The following ING4 variants were observed in gnomAD, a reference collection of about 807,000 sequenced individuals.
ING4 encodes inhibitor of growth protein 4.
Under a neutral mutation model 33.1 loss-of-function variants are expected in ING4, and 28 were observed. The ratio of observed to expected loss-of-function variants is 0.85; its 90% CI spans 0.63 to 1.16. The LOEUF is 1.16. Among genes scored for constraint, ING4 ranks in the 50% most tolerant of loss-of-function variants. The pLI is 0.00. For synonymous variants in ING4, 87 were observed against 104.4 expected (o/e 0.83, Z 1.02); for missense variants, 247 against 314.7 (o/e 0.78, Z 1.63).
At chr12:6,654,025 C>A (rs1263329939) in intron 2 of ING4, among the ~76,000 whole-genome samples, 1 of 152,024 alleles carries the variant, frequency 6.6e-6, no homozygotes, top group African/African-American at 2.4e-5. Flanking sequence ...TTTGTAGAGA[C>A]AGGCTTTTTC....
rs1949234901 is a variant in ING4, at chr12:6,653,031, C to T, written c.296G>A (p.Arg99Gln). ...AAAACGGGCCAGGTCTGTGTCCAGC[C>T]GCCGAATGTGTTTGTCCACCTGGGT... Reference protein sequence around the residue: ...TYEMVDKHIRRLDTDLARFEA... With the variant: ...TYEMVDKHIRQLDTDLARFEA... Residue 99 changes from arginine (R) to glutamine (Q), a missense_variant, in exon 4 of 8, where the codon CGG becomes CAG. By Grantham distance (43) the Arg-to-Gln change is conservative. Coordinates refer to ENST00000341550, the MANE Select transcript of ING4 (RefSeq NM_016162.4). 2.5e-6 allele frequency: 4 copies of T among 1,614,092 alleles called. No homozygotes were observed. The highest frequency in any genetic ancestry group is 1.1e-5 in the South Asian group (1 of 91,082).
intron 2 of ING4, among the ~76,000 whole-genome samples, chr12:6,655,153 C>T (rs561570645): frequency 4.6e-5 from 7 of 152,324 alleles, no homozygotes; most frequent in African/African-American, 1.7e-4. Flanking sequence ...AAGCGATTCT[C>T]CTGCATCAGC....
rs929468758 is a variant in ING4, at chr12:6,650,379, T to C, written c.*816A>G. 1 of 152,308 alleles carries C rather than the reference T, an allele frequency of 6.6e-6. No homozygotes were observed. The allele number at this position is 152,308 out of a possible 1,614,324, so 9.4% of individuals were successfully genotyped here. On this transcript the variant is annotated 3_prime_UTR_variant, in exon 8 of 8. Coordinates refer to ENST00000341550, the MANE Select transcript of ING4 (RefSeq NM_016162.4). The stretch of plus-strand genomic sequence containing the variant: ...AAAAGATGCATGATTTACAAAGTTT[T>C]GGAGACCCCCTGGTCTGAGGCCTAC...
chr12:6,652,790 C>A (rs907724449), intron 4 of ING4, 23 bp from the exon 5 acceptor site: 1 of 1,610,166 alleles, frequency 6.2e-7, no homozygotes, highest in African/African-American at 1.3e-5. Context: ...AGGGAGAAAG[C>A]CAGAAGGCAG....
At chr12:6,660,972 T>C (rs2136284209) in intron 1 of ING4, among the ~76,000 whole-genome samples, 1 of 152,254 alleles carries the variant, frequency 6.6e-6, no homozygotes, top group South Asian at 2.1e-4. Context: ...TTTGTATTTT[T>C]AGTAGAGACG....
intron 1 of ING4, among the ~76,000 whole-genome samples, chr12:6,661,092 C>A (rs1949532817): frequency 1.3e-5 from 2 of 150,786 alleles, no homozygotes; most frequent in South Asian, 4.2e-4. Context: ...CCGCTCCCAG[C>A]CTTTTTGTTT....
intron 6 of ING4, 136 bp from the exon 7 acceptor site, chr12:6,651,521 C>A: frequency 1.5e-6 from 1 of 686,680 alleles, no homozygotes; most frequent in South Asian, 1.8e-5. Context: ...CAAGGCCAAC[C>A]AGTTCCCACC....
Position 6,651,049 on chromosome 12 carries a change from G to C in ING4, c.*146C>G. ...AGGGTCTGATGCAGCCTCAGCACCGGGAGTGGGGAGAGGGGAGGAGAAGGG... is the reference window on the plus strand; with the variant it reads ...AGGGTCTGATGCAGCCTCAGCACCGCGAGTGGGGAGAGGGGAGGAGAAGGG... On this transcript the variant is annotated 3_prime_UTR_variant, in exon 8 of 8. Coordinates refer to ENST00000341550, the MANE Select transcript of ING4 (RefSeq NM_016162.4). The C allele has an allele frequency of 1.1e-6, 1 of 876,388 alleles. No individual in the cohort carries two copies. Among genetic ancestry groups the C allele is most frequent in the South Asian group, 1.6e-5 (1 of 63,816 alleles). The allele number at this position is 876,388 out of a possible 1,614,324, so 54.3% of individuals were successfully genotyped here.
At chr12:6,658,185 C>G (rs1175586554) in intron 1 of ING4, among the ~76,000 whole-genome samples, 2 of 151,554 alleles carry the variant, frequency 1.3e-5, no homozygotes, top group Non-Finnish European at 1.5e-5. Context: ...GTCTTGAACT[C>G]CTGGCCTCAG....
chr12:6,655,810 G>A (rs1949334484), intron 2 of ING4: 1 of 457,448 alleles, frequency 2.2e-6, no homozygotes, highest in Admixed American at 2.4e-5. Flanking sequence ...TCCTTCAGTG[G>A]GTATGGGAAT....
chr12:6,655,397 G>T (rs571195993), intron 2 of ING4, among the ~76,000 whole-genome samples: 3 of 152,200 alleles, frequency 2.0e-5, no homozygotes, highest in Non-Finnish European at 2.9e-5. Flanking sequence ...TGAGACTATA[G>T]ATGTTTACTA....
Position 6,651,214 on chromosome 12 carries a change from T to G in ING4, c.728A>C (p.Gln243Pro), listed in dbSNP as rs1386013752. The change falls in exon 8 of 8, where the codon CAA (glutamine) becomes CCA (proline). Residue 243 changes from glutamine to proline, a missense_variant. By Grantham distance (76) the Gln-to-Pro change is moderately conservative. Transcript: ENST00000341550. ...CCTTATCTATTTCTTCTTCCGTTCT[T>G]GGGAGCAGCGTGGGCAAAACCTGAA... ...RGKWFCPRCS[Q>P]ERKKK is the part of the protein sequence containing the mutation. 1 of 1,614,200 alleles carries G rather than the reference T, an allele frequency of 6.2e-7. No homozygotes were observed. Among genetic ancestry groups the G allele is most frequent in the Non-Finnish European group, 8.5e-7 (1 of 1,180,030 alleles).
chr12:6,653,135 C>T (rs906943070), intron 3 of ING4, 85 bp from the exon 4 acceptor site: 2 of 1,592,594 alleles, frequency 1.3e-6, no homozygotes, highest in Non-Finnish European at 1.7e-6. Flanking sequence ...ATGGATCTCA[C>T]AGACCCCAAA....
intron 1 of ING4, among the ~76,000 whole-genome samples, chr12:6,660,601 C>G (rs548114285): frequency 8.0e-5 from 12 of 150,570 alleles, no homozygotes; most frequent in Admixed American, 6.0e-4. Context: ...GAGTGAGACT[C>G]TGTCTCAAAA....
At chr12:6,660,006 C>T in intron 1 of ING4, among the ~76,000 whole-genome samples, 1 of 152,114 alleles carries the variant, frequency 6.6e-6, no homozygotes, top group Non-Finnish European at 1.5e-5. Context: ...TCTGTCTCCC[C>T]AGGCCGAACA....
At chr12:6,658,277 A>G (rs1949437486) in intron 1 of ING4, among the ~76,000 whole-genome samples, 1 of 151,750 alleles carries the variant, frequency 6.6e-6, no homozygotes, top group African/African-American at 2.4e-5. Context: ...TTTATTTTCC[A>G]TCTCTGCCTC....
intron 2 of ING4, chr12:6,655,513 T>G: frequency 1.4e-6 from 1 of 715,478 alleles, no homozygotes; most frequent in Non-Finnish European, 1.8e-6. Context: ...CTGTTTATAC[T>G]CCACTTCATT....
rs11064302 is a variant in ING4 at position 6,651,504 on chromosome 12, G to T, written c.646-119C>A. On this transcript the variant is annotated intron_variant, in intron 6 of 7. Transcript: ENST00000341550. ...ACTCCATCCTTTTGGAGAATTCTTG[G>T]AAGTCCCAAGGCCAACCAGTTCCCA... 1.0e-3 allele frequency: 841 copies of T among 825,206 alleles called. 3 individuals are homozygous for T. In the African/African-American group the frequency reaches 0.013, roughly 12 times the overall value. 51.1% of individuals were successfully genotyped at this position (825,206 alleles called of 1,614,324 possible). A position where few individuals can be genotyped will look rare whatever the true frequency, so the allele number is the denominator to read the frequency against.
chr12:6,654,710 C>T (rs1437623158), intron 2 of ING4, among the ~76,000 whole-genome samples: 3 of 151,942 alleles, frequency 2.0e-5, no homozygotes, highest in Non-Finnish European at 4.4e-5. Flanking sequence ...TTTGTCCATC[C>T]TAGATATTGC....
Sources: gnomAD v4.1 joint callset for allele counts (sites outside exome capture counted in the v4.1 genomes callset) on GRCh38, gnomAD v4.1.1 for gene constraint, MANE v1.5 for transcripts, NCBI Gene and HGNC (gene_info 2026-07-23, HGNC 2026-07-21) for gene names.